PPP2R5C: variants seen among roughly 807,000 people sequenced by gnomAD.
PPP2R5C encodes protein phosphatase 2 regulatory subunit B'gamma.
In PPP2R5C, 7 loss-of-function variants were observed where a neutral mutation model predicts 68.9. The ratio of observed to expected loss-of-function variants is 0.10; its 90% CI spans 0.06 to 0.19. The LOEUF (loss-of-function observed/expected upper bound fraction) is 0.19, where lower values mean the gene tolerates loss of function less well. PPP2R5C is among the 10% of genes least tolerant of loss of function. PPP2R5C has a pLI of 1.00. For synonymous variants in PPP2R5C, 210 were observed against 222.2 expected, an observed-to-expected ratio of 0.95 and a Z score of 0.49; for missense variants, 348 against 641.3, an observed-to-expected ratio of 0.54 and a Z score of 4.94.
rs1250455877 is a variant in PPP2R5C, at chr14:101,835,967, G to A, written c.95-20719G>A. On this transcript the variant is annotated intron_variant, in intron 1 of 13. Coordinates refer to ENST00000334743, the Ensembl canonical transcript of PPP2R5C. The surrounding 1 kb of genome is among the most constrained non-coding windows in gnomAD (Gnocchi z 5.0). ...GAAAAGTTACAGTAATATATTACCA[G>A]CATGTAGAAAATACCCAATAATGAT... 6.6e-6 allele frequency among the ~76,000 whole-genome samples: 1 copy of A among 152,174 alleles called. No homozygotes were observed. The highest frequency in any genetic ancestry group is 2.4e-5 in the African/African-American group (1 of 41,442).
At chr14:101,918,129 G>A (rs1459381072) in intron 13 of PPP2R5C, among the ~76,000 whole-genome samples, 182 bp downstream of exon 15, 2 of 115,924 alleles carry the variant, frequency 1.7e-5, no homozygotes, top group Non-Finnish European at 3.6e-5. Context: ...ACTAGAAACA[G>A]TTTTTAAGGA....
upstream of PPP2R5C, chr14:101,761,810 G>T (rs1240022820): frequency 6.2e-6 from 6 of 967,838 alleles, no homozygotes; most frequent in Middle Eastern, 5.4e-4. Flanking sequence ...GGCCGCGGGG[G>T]CGCGACGGCC....
In PPP2R5C at chr14:101,917,196, A is replaced by G. The variant is rs924501609; in HGVS notation, c.1327-635A>G. On this transcript the variant is annotated intron_variant, in intron 12 of 13. Transcript: ENST00000334743. The surrounding 1 kb of genome is among the most constrained non-coding windows in gnomAD (Gnocchi z 4.4). The stretch of plus-strand genomic sequence containing the variant: ...TGAGGGCTGAGCCATCTGTGTTTCA[A>G]TCCAGAGCACAGGGAGAGTGGAGAA... Among the ~76,000 whole-genome samples the G allele has an allele frequency of 6.6e-6, 1 of 152,132 alleles. No homozygotes were observed.
intron 3 of PPP2R5C, among the ~76,000 whole-genome samples, chr14:101,799,069 A>G (rs529459415): frequency 2.0e-5 from 3 of 152,320 alleles, no homozygotes; most frequent in East Asian, 1.9e-4. Flanking sequence ...AGTACATTTG[A>G]TGGAACACCT....
chr14:101,787,579 T>A (rs184118606), intron 3 of PPP2R5C, among the ~76,000 whole-genome samples: 5 of 143,630 alleles, frequency 3.5e-5, no homozygotes, highest in Non-Finnish European at 6.1e-5. Context: ...CTGGCTAACA[T>A]GGTGAAACCC....
chr14:101,823,156 G>A (rs1383066964), intron 1 of PPP2R5C, among the ~76,000 whole-genome samples: 1 of 152,302 alleles, frequency 6.6e-6, no homozygotes, highest in Non-Finnish European at 1.5e-5. Context: ...AGTTTAAGAA[G>A]CATGTTTGGT....
In PPP2R5C at chr14:101,882,293, A is replaced by C; in HGVS notation, c.405+22A>C. On this transcript the variant is annotated intron_variant, in intron 3 of 13. Coordinates refer to ENST00000334743, the Ensembl canonical transcript of PPP2R5C. This position sits in a 1 kb window ranked among gnomAD's most constrained non-coding sequence, Gnocchi z 4.9. ...ACAGGTATCGGGCTCTGGGTGATAG[A>C]CTCGGAGGGCACTGGTGACACATGG... is the stretch of plus-strand genomic sequence containing the variant. The C allele has an allele frequency of 6.4e-7, 1 of 1,562,704 alleles. No homozygotes were observed. The highest frequency in any genetic ancestry group is 1.1e-5 in the South Asian group (1 of 86,974).
At chr14:101,764,801 CTT>C (rs34973768) in intron 2 of PPP2R5C, among the ~76,000 whole-genome samples, 151 of 129,310 alleles carry the variant, frequency 1.2e-3, no homozygotes, top group African/African-American at 2.9e-3. Flanking sequence ...TGCTATATGC[CTT>C]TTTTTTTTTT....
At chr14:101,865,878 C>T (rs540202408) in intron 2 of PPP2R5C, among the ~76,000 whole-genome samples, 2 of 152,244 alleles carry the variant, frequency 1.3e-5, no homozygotes, top group East Asian at 1.9e-4. Flanking sequence ...TTCTAATTCT[C>T]GCTCCAGACT....
At chr14:101,843,348 TAG>T (rs1244585515) in intron 1 of PPP2R5C, 1 of 181,476 alleles carries the variant, frequency 5.5e-6, no homozygotes, top group Non-Finnish European at 1.2e-5. Context: ...TATCAACTGT[TAG>T]AGATACGAAA....
intron 2 of PPP2R5C, among the ~76,000 whole-genome samples, chr14:101,783,513 G>C (rs2037938896): frequency 6.6e-6 from 1 of 151,724 alleles, no homozygotes; most frequent in South Asian, 2.1e-4. Flanking sequence ...TCCTCTCTCT[G>C]GTCTTGGCCC....
intron 11 of PPP2R5C, among the ~76,000 whole-genome samples, chr14:101,911,877 C>T (rs2046412127): frequency 6.9e-6 from 1 of 144,170 alleles, no homozygotes; most frequent in Non-Finnish European, 1.5e-5. Context: ...GAGTGAGGCC[C>T]TGTCTCAAAA....
intron 2 of PPP2R5C, among the ~76,000 whole-genome samples, chr14:101,859,400 T>C (rs1678022): frequency 0.37 from 56,294 of 152,156 alleles, 12,651 homozygotes; most frequent in African/African-American, 0.63. Context: ...TAGACTGTCC[T>C]GTGAAGATGG....
intron 1 of PPP2R5C, chr14:101,823,742 T>G (rs1000568875): frequency 1.9e-6 from 2 of 1,040,550 alleles, no homozygotes; most frequent in Non-Finnish European, 2.3e-6. Flanking sequence ...GTTTTCTGAC[T>G]CACGGTTCTG....
At chr14:101,832,742 A>G (rs1042371501) in intron 1 of PPP2R5C, among the ~76,000 whole-genome samples, 1 of 152,178 alleles carries the variant, frequency 6.6e-6, no homozygotes, top group Non-Finnish European at 1.5e-5. Flanking sequence ...AGACTCCAGC[A>G]GCGTGAGTGA....
intron 1 of PPP2R5C, among the ~76,000 whole-genome samples, chr14:101,837,109 T>C (rs1311768444): frequency 2.6e-5 from 4 of 152,172 alleles, no homozygotes; most frequent in African/African-American, 9.7e-5. Context: ...GGAAAACAAA[T>C]GCTCATTTTA....
At chr14:101,773,455 A>G (rs1288234642) in intron 2 of PPP2R5C, among the ~76,000 whole-genome samples, 1 of 152,116 alleles carries the variant, frequency 6.6e-6, no homozygotes, top group Non-Finnish European at 1.5e-5. Context: ...AGGAGGCCAC[A>G]GTGCAAAGAT....
At chr14:101,893,949 C>T (rs1372725171) in intron 7 of PPP2R5C, among the ~76,000 whole-genome samples, 1 of 152,232 alleles carries the variant, frequency 6.6e-6, no homozygotes, top group Non-Finnish European at 1.5e-5. Context: ...TGAGCAGTCA[C>T]GCCCCAGCAC....
chr14:101,909,075 A>G (rs1389715851), intron 10 of PPP2R5C, among the ~76,000 whole-genome samples: 5 of 152,056 alleles, frequency 3.3e-5, no homozygotes, highest in African/African-American at 9.7e-5. Context: ...AGCTGGAACA[A>G]TTTGGCCTCT....
Sources: gnomAD v4.1 joint callset for allele counts (sites outside exome capture counted in the v4.1 genomes callset) on GRCh38, gnomAD v4.1.1 for gene constraint, Gnocchi (gnomAD v3.1) non-coding constraint, MANE v1.5 for transcripts, NCBI Gene and HGNC (gene_info 2026-07-23, HGNC 2026-07-21) for gene names.